The following KCNU1 variants were observed in gnomAD, a reference collection of about 807,000 sequenced individuals.
KCNU1 encodes the protein potassium calcium-activated channel subfamily U member 1, also known as potassium channel subfamily U member 1.
Under a neutral mutation model 126.8 loss-of-function variants are expected in KCNU1, and 93 were observed. That is an observed-to-expected ratio of 0.73 (90% CI 0.62 to 0.87). KCNU1 has a LOEUF of 0.87. Ranked by LOEUF, KCNU1 falls within the 40% of genes least tolerant of loss-of-function variation. The pLI is 0.00. For synonymous variants in KCNU1, 523 were observed against 494.2 expected (o/e 1.06, Z -0.77); for missense variants, 1,330 against 1,367.1 (o/e 0.97, Z 0.43).
intron 19 of KCNU1, among the ~76,000 whole-genome samples, chr8:36,875,453 T>C (rs1806247534): frequency 6.7e-6 from 1 of 149,612 alleles, no homozygotes; most frequent in Non-Finnish European, 1.5e-5. Flanking sequence ...GAGATATATA[T>C]ACACACACAC....
intron 16 of KCNU1, among the ~76,000 whole-genome samples, chr8:36,843,208 T>C (rs1805020062): frequency 6.6e-6 from 1 of 152,184 alleles, no homozygotes; most frequent in Non-Finnish European, 1.5e-5. Context: ...TGAATATTTA[T>C]TTAGCAACTA....
intron 10 of KCNU1, among the ~76,000 whole-genome samples, chr8:36,818,097 G>A (rs1803988313): frequency 6.6e-6 from 1 of 152,146 alleles, no homozygotes; most frequent in Non-Finnish European, 1.5e-5. Context: ...CTCAGAATTA[G>A]AAATGTGAAG....
At chr8:36,886,138 G>A (rs1458307215) in intron 19 of KCNU1, among the ~76,000 whole-genome samples, 1 of 152,114 alleles carries the variant, frequency 6.6e-6, no homozygotes, top group African/African-American at 2.4e-5. Flanking sequence ...TATTCAAGAA[G>A]GAGTTCTTAG....
chr8:36,799,325 T>C (rs1308646034), intron 2 of KCNU1, among the ~76,000 whole-genome samples: 1 of 152,080 alleles, frequency 6.6e-6, no homozygotes, highest in Non-Finnish European at 1.5e-5. Flanking sequence ...CGCCATGATA[T>C]GGCTGTGTGT....
rs573408578 is a variant in KCNU1 at position 36,922,112 on chromosome 8, CATGTGTTCCTATTTATTCCTATGATT to C, written c.2597-377_2597-352del. Among the ~76,000 whole-genome samples, 84 of 152,246 alleles carry C rather than the reference CATGTGTTCCTATTTATTCCTATGATT, an allele frequency of 5.5e-4. 1 individual carries two copies. The East Asian group carries it at 0.015, about 27-fold the overall frequency. On this transcript the variant is annotated intron_variant, in intron 23 of 26. Transcript: ENST00000399881. ...AATAAAAGACTTTAACTGGGGTGAC[CATGTGTTCCTATTTATTCCTATGATT>C]CCAGGGCAATTTTCGAGCATGCTCC...
rs182192378 is a variant in KCNU1, at chr8:36,843,663, A to C, written c.1704-1917A>C. Among the ~76,000 whole-genome samples the C allele has an allele frequency of 5.5e-3, 831 of 152,372 alleles. 5 individuals carry two copies. The highest frequency in any genetic ancestry group is 9.6e-3 in the Non-Finnish European group (651 of 68,038). ...TGCTGCCATTATTGGTAGAAGGAAG[A>C]CTGCATGTTTAAATAGTTGGACTTT... On this transcript the variant is annotated intron_variant, in intron 16 of 26. Coordinates refer to ENST00000399881, the MANE Select transcript of KCNU1 (RefSeq NM_001031836.3).
chr8:36,826,873 C>G (rs529900498), intron 10 of KCNU1, among the ~76,000 whole-genome samples: 1 of 152,164 alleles, frequency 6.6e-6, no homozygotes, highest in East Asian at 1.9e-4. Context: ...ATCAAACTGT[C>G]CTGTTTTTAT....
At chr8:36,868,564 A>G (rs1334060588) in intron 19 of KCNU1, among the ~76,000 whole-genome samples, 2 of 152,094 alleles carry the variant, frequency 1.3e-5, no homozygotes, top group African/African-American at 2.4e-5. Context: ...AGAAACTACT[A>G]TTTTCTATTC....
chr8:36,894,111 G>T (rs1471237620), intron 19 of KCNU1, among the ~76,000 whole-genome samples: 1 of 152,082 alleles, frequency 6.6e-6, no homozygotes, highest in Non-Finnish European at 1.5e-5. Context: ...ATTTTAAAAT[G>T]ATGTCAGGCT....
chr8:36,872,127 T>C (rs1401101041), intron 19 of KCNU1, among the ~76,000 whole-genome samples: 1 of 152,140 alleles, frequency 6.6e-6, no homozygotes, highest in East Asian at 1.9e-4. Flanking sequence ...GGGCTCACAG[T>C]CCCCAGGTAT....
At chr8:36,853,652 C>T (rs984184053) in intron 18 of KCNU1, among the ~76,000 whole-genome samples, 1 of 152,102 alleles carries the variant, frequency 6.6e-6, no homozygotes, top group Non-Finnish European at 1.5e-5. Flanking sequence ...TATTTTAAGA[C>T]TTGCTCCATT....
At chr8:36,804,868 A>G (rs1803439735) in intron 3 of KCNU1, among the ~76,000 whole-genome samples, 1 of 152,190 alleles carries the variant, frequency 6.6e-6, no homozygotes, top group Non-Finnish European at 1.5e-5. Flanking sequence ...TACTGACTAG[A>G]TAGATGATCT....
chr8:36,789,511 A>G (rs1157663425), intron 2 of KCNU1, among the ~76,000 whole-genome samples: 2 of 152,118 alleles, frequency 1.3e-5, no homozygotes, highest in African/African-American at 4.8e-5. Flanking sequence ...TTCAACAAAT[A>G]TTTATTGTTT....
chr8:36,878,711 C>A (rs2117388658), intron 19 of KCNU1, among the ~76,000 whole-genome samples: 1 of 151,340 alleles, frequency 6.6e-6, no homozygotes, highest in African/African-American at 2.4e-5. Flanking sequence ...GAACAATAGT[C>A]ATAGTAAATA....
chr8:36,882,144 T>C (rs1806509664), intron 19 of KCNU1, among the ~76,000 whole-genome samples: 1 of 152,216 alleles, frequency 6.6e-6, no homozygotes, highest in Non-Finnish European at 1.5e-5. Context: ...TTTTATGTCA[T>C]TTCCGAAAGC....
chr8:36,789,318 C>T (rs1370590138), intron 2 of KCNU1, among the ~76,000 whole-genome samples: 2 of 151,940 alleles, frequency 1.3e-5, no homozygotes, highest in Non-Finnish European at 2.9e-5. Flanking sequence ...GAGTTGTGAT[C>T]ATGCCACTGC....
Position 36,836,804 on chromosome 8 carries a change from A to G in KCNU1, c.1377A>G (p.Pro459=). ...ILQSHNKVYL[P]KIPSWNWDTG... is the part of the protein sequence containing the mutation. ...GTGCTATGGAACAGGTTTATCTGCC[A>G]AAGATTCCCAGCTGGAACTGGGACA... The change falls in exon 14 of 27, where the codon CCA becomes CCG. Residue 459 remains proline (P), a synonymous_variant. Transcript: ENST00000399881. The G allele has an allele frequency of 6.2e-7, 1 of 1,613,806 alleles. No individual in the cohort carries two copies. The highest frequency in any genetic ancestry group is 8.5e-7 in the Non-Finnish European group (1 of 1,179,782).
chr8:36,909,783 A>G (rs1156843975), intron 21 of KCNU1, among the ~76,000 whole-genome samples: 1 of 152,206 alleles, frequency 6.6e-6, no homozygotes, highest in Non-Finnish European at 1.5e-5. Flanking sequence ...AGTAACTAAC[A>G]AAATTAAGAT....
intron 21 of KCNU1, 73 bp from the exon 22 acceptor site, chr8:36,910,857 A>G (rs1194105036): frequency 4.7e-6 from 5 of 1,069,418 alleles, no homozygotes; most frequent in African/African-American, 1.6e-5. Context: ...ACTCACAAAG[A>G]GCCACCACCA....
Sources: allele counts gnomAD v4.1 joint callset (sites outside exome capture counted in the v4.1 genomes callset), GRCh38; gene constraint gnomAD v4.1.1; transcripts MANE v1.5; gene names NCBI Gene and HGNC (gene_info 2026-07-23, HGNC 2026-07-21).